Variants in TMEM126A observed in about 807,000 individuals in gnomAD.
TMEM126A encodes optic atrophy 7.
Under a neutral mutation model 18.3 loss-of-function variants are expected in TMEM126A, and 10 were observed. The observed-to-expected ratio is 0.55, with a 90% CI of 0.34 to 0.93. The LOEUF (loss-of-function observed/expected upper bound fraction) is 0.93, where lower values mean the gene tolerates loss of function less well. Among genes scored for constraint, TMEM126A ranks in the 40% least tolerant of loss-of-function variants. The pLI, the probability that TMEM126A is intolerant of heterozygous loss-of-function variation, is 0.02. For synonymous variants in TMEM126A, 68 were observed against 78.1 expected (o/e 0.87, Z 0.68); for missense variants, 246 against 230.2 (o/e 1.07, Z -0.44).
intron 2 of TMEM126A, among the ~76,000 whole-genome samples, chr11:85,651,700 G>C (rs920587955): frequency 7.2e-5 from 11 of 152,106 alleles, no homozygotes; most frequent in Admixed American, 2.0e-4. Flanking sequence ...AAAAAGGCCA[G>C]TAGTAAGAAC....
intron 3 of TMEM126A, 61 bp from the exon 4 acceptor site, chr11:85,655,533 C>A: frequency 1.6e-6 from 2 of 1,226,058 alleles, no homozygotes; most frequent in Non-Finnish European, 2.4e-6. Context: ...ATCTTACATT[C>A]TTTAAATCAT....
At chr11:85,653,455 A>G (rs953086549) in intron 2 of TMEM126A, among the ~76,000 whole-genome samples, 5 of 152,208 alleles carry the variant, frequency 3.3e-5, no homozygotes, top group African/African-American at 9.6e-5. Flanking sequence ...AGTATTTTCA[A>G]TATTCAGCAA....
chr11:85,650,466 C>G (rs1959839273), intron 2 of TMEM126A, 125 bp downstream of exon 2: 2 of 765,528 alleles, frequency 2.6e-6, no homozygotes, highest in African/African-American at 3.5e-5. Context: ...TTGCCCTTTT[C>G]TTGCCTGGAT....
In TMEM126A at chr11:85,656,478, G is replaced by C; in HGVS notation, c.565G>C (p.Glu189Gln). ...ACTTATAAAGGCCCTTCAGTTATCTGAACCTGGCAAAGAAATTCACTGATT... is the reference window on the plus strand; with the variant it reads ...ACTTATAAAGGCCCTTCAGTTATCTCAACCTGGCAAAGAAATTCACTGATT... ...KLLIKALQLSEPGKEIH is the reference protein window; with the variant it reads ...KLLIKALQLSQPGKEIH Residue 189 changes from glutamate (E) to glutamine (Q), a missense_variant, in exon 5 of 5, where the codon GAA becomes CAA. Coordinates refer to ENST00000304511, the MANE Select transcript of TMEM126A (RefSeq NM_032273.4). 6.2e-7 allele frequency: 1 copy of C among 1,612,948 alleles called. No homozygotes were observed. Among genetic ancestry groups the C allele is most frequent in the Non-Finnish European group, 8.5e-7 (1 of 1,179,432 alleles).
chr11:85,653,966 T>G, intron 2 of TMEM126A, 97 bp from the exon 3 acceptor site: 1 of 1,371,176 alleles, frequency 7.3e-7, no homozygotes, highest in Non-Finnish European at 1.0e-6. Context: ...TCGTATCCAG[T>G]TAGTGTATTC....
rs2196168 is a variant in TMEM126A at position 85,655,718 on chromosome 11, A to G, written c.395+10A>G. ...GTGGTCTAGCAGCCAGGTAGGAAAT[A>G]AAAAACTTTTTATAATATGTGATTA... On this transcript the variant is annotated intron_variant, in intron 4 of 4. Coordinates refer to ENST00000304511, the MANE Select transcript of TMEM126A (RefSeq NM_032273.4). 0.24 allele frequency: 379,853 copies of G among 1,593,950 alleles called. 50,401 individuals are homozygous for G. The highest frequency in any genetic ancestry group is 0.4 in the African/African-American group (29,685 of 74,530).
At chr11:85,652,106 T>C (rs748045321) in intron 2 of TMEM126A, among the ~76,000 whole-genome samples, 8 of 152,112 alleles carry the variant, frequency 5.3e-5, no homozygotes, top group Non-Finnish European at 8.8e-5. Flanking sequence ...GGATGTTGCA[T>C]GGAGCTGAGA....
intron 3 of TMEM126A, 133 bp from the exon 4 acceptor site, chr11:85,655,461 C>G: frequency 2.8e-6 from 2 of 705,594 alleles, no homozygotes; most frequent in East Asian, 2.6e-5. Context: ...TACCTTTTAA[C>G]AGGCTTTGTA....
rs762984739 is a variant in TMEM126A at position 85,650,265 on chromosome 11, C to T, written c.10C>T (p.His4Tyr). The change falls in exon 2 of 5, where the codon CAT becomes TAT. Residue 4 changes from histidine to tyrosine, a missense_variant. His to Tyr is a moderately conservative substitution (Grantham distance 83). Transcript: ENST00000304511. ...TTTTTTAAGGCTCAAAATGGAAAAT[C>T]ATAAATCCAATAATAAGGAAAACAT... MEN[H>Y]KSNNKENITI... is the part of the protein sequence containing the mutation. 8.8e-6 allele frequency: 14 copies of T among 1,590,430 alleles called. No individual in the cohort carries two copies. Among genetic ancestry groups the T allele is most frequent in the Admixed American group, 3.4e-5 (2 of 59,212 alleles).
chr11:85,654,791 CATTT>C (rs1371363427), intron 3 of TMEM126A, among the ~76,000 whole-genome samples: 1 of 151,458 alleles, frequency 6.6e-6, no homozygotes, highest in Admixed American at 6.6e-5. Flanking sequence ...TCACAGTGCT[CATTT>C]AGAGTAAGAA....
In TMEM126A at chr11:85,656,458, T is replaced by C. The variant is rs528947543; in HGVS notation, c.545T>C (p.Ile182Thr). The change falls in exon 5 of 5, where the codon ATA (isoleucine) becomes ACA (threonine). Residue 182 changes from isoleucine (I) to threonine (T), a missense_variant. Transcript: ENST00000304511. ...GGGTCTGAACAATATAAACTACTTA[T>C]AAAGGCCCTTCAGTTATCTGAACCT... ...YLGSEQYKLL[I>T]KALQLSEPGK... is the part of the protein sequence containing the mutation. The C allele has an allele frequency of 1.2e-5, 19 of 1,613,254 alleles. No individual in the cohort carries two copies. In the South Asian group the frequency reaches 1.4e-4, roughly 12 times the overall value.
intron 2 of TMEM126A, 68 bp from the exon 3 acceptor site, chr11:85,653,995 T>C: frequency 2.6e-6 from 4 of 1,554,378 alleles, no homozygotes; most frequent in East Asian, 2.3e-5. Flanking sequence ...CTATAACACA[T>C]GTCAAGATCG....
intron 4 of TMEM126A, 67 bp downstream of exon 4, chr11:85,655,775 A>C: frequency 8.1e-7 from 1 of 1,233,308 alleles, no homozygotes; most frequent in Non-Finnish European, 1.2e-6. Flanking sequence ...AGCAGCAAAT[A>C]TATTTTGTTT....
At chr11:85,655,903 A>G (rs2082534419) in intron 4 of TMEM126A, among the ~76,000 whole-genome samples, 195 bp downstream of exon 4, 1 of 152,196 alleles carries the variant, frequency 6.6e-6, no homozygotes, top group African/African-American at 2.4e-5. Flanking sequence ...CTTGGTGTGT[A>G]GTTAGGCTAT....
intron 3 of TMEM126A, 56 bp from the exon 4 acceptor site, chr11:85,655,538 A>C (rs964936540): frequency 2.4e-6 from 3 of 1,261,812 alleles, no homozygotes; most frequent in Non-Finnish European, 3.5e-6. Context: ...ACATTCTTTA[A>C]ATCATGTTTG....
At position 85,656,459 on chromosome 11, in the gene TMEM126A, A is replaced by G; in HGVS notation, c.546A>G (p.Ile182Met). The change falls in exon 5 of 5, where the codon ATA (isoleucine) becomes ATG (methionine). Residue 182 changes from isoleucine (I) to methionine (M), a missense_variant. Coordinates refer to ENST00000304511, the MANE Select transcript of TMEM126A (RefSeq NM_032273.4). The stretch of plus-strand genomic sequence containing the variant: ...GGTCTGAACAATATAAACTACTTAT[A>G]AAGGCCCTTCAGTTATCTGAACCTG... ...YLGSEQYKLL[I>M]KALQLSEPGK... The G allele has an allele frequency of 6.2e-7, 1 of 1,613,282 alleles. No homozygotes were observed. The highest frequency in any genetic ancestry group is 8.5e-7 in the Non-Finnish European group (1 of 1,179,600).
chr11:85,654,365 ATTAAATC>A, intron 3 of TMEM126A, 109 bp downstream of exon 3: 1 of 1,117,020 alleles, frequency 9.0e-7, no homozygotes, highest in Non-Finnish European at 1.3e-6. Context: ...TGCAGTTAAG[ATTAAATC>A]TTGCTAGCCT....
intron 3 of TMEM126A, among the ~76,000 whole-genome samples, chr11:85,654,701 C>T (rs988661194): frequency 2.0e-5 from 3 of 152,154 alleles, no homozygotes; most frequent in Admixed American, 2.0e-4. Flanking sequence ...GATCCACCCG[C>T]CTTGTCTTCT....
chr11:85,656,302 C>G lies in TMEM126A; in HGVS notation c.396-7C>G. 6.2e-7 allele frequency: 1 copy of G among 1,609,752 alleles called. No individual in the cohort carries two copies. The highest frequency in any genetic ancestry group is 8.5e-7 in the Non-Finnish European group (1 of 1,178,666). The stretch of plus-strand genomic sequence containing the variant: ...TTCTATTGAACTATCTCAATGTTTT[C>G]TTACAGGTATCAATCAGCTCTGTTA... On this transcript the variant is annotated splice_polypyrimidine_tract_variant and splice_region_variant and intron_variant, in intron 4 of 4. Transcript: ENST00000304511.
Sources: allele counts gnomAD v4.1 joint callset (sites outside exome capture counted in the v4.1 genomes callset), GRCh38; gene constraint gnomAD v4.1.1; transcripts MANE v1.5; gene names NCBI Gene and HGNC (gene_info 2026-07-23, HGNC 2026-07-21).